ERC2: variants seen among roughly 807,000 people sequenced by gnomAD.
ERC2 encodes the protein ERC protein 2.
Under a neutral mutation model 114.8 loss-of-function variants are expected in ERC2, and 42 were observed. That is an observed-to-expected ratio of 0.37 (90% confidence interval 0.29 to 0.47). ERC2 has a LOEUF of 0.47. Ranked by LOEUF, ERC2 falls within the 20% of genes least tolerant of loss-of-function variation. ERC2 has a pLI of 0.99. For missense variants in ERC2, 939 were observed against 1,150.7 expected, an observed-to-expected ratio of 0.82 and a Z score of 2.66; for synonymous variants, 454 against 425.5, an observed-to-expected ratio of 1.07 and a Z score of -0.82.
At chr3:56,440,472 C>T (rs1411831926) in intron 1 of ERC2, among the ~76,000 whole-genome samples, 3 of 151,218 alleles carry the variant, frequency 2.0e-5, no homozygotes, top group African/African-American at 4.9e-5. Context: ...GGCATGGACC[C>T]AGGAGGCGGA....
rs1211091095 is a variant in ERC2, at chr3:56,354,620, T to C, written c.658-58185A>G. ...GCTCTACTTCTCTCATACATATTTG[T>C]CCTAACTCTCCAAGATAAACCTCTA... On this transcript the variant is annotated intron_variant, in intron 2 of 17. Coordinates refer to ENST00000288221, the MANE Select transcript of ERC2 (RefSeq NM_015576.3). Among the ~76,000 whole-genome samples, 2 of 152,178 alleles carry C rather than the reference T, an allele frequency of 1.3e-5. 1 individual carries two copies. The highest frequency in any genetic ancestry group is 1.3e-4 in the Admixed American group (2 of 15,274).
chr3:55,542,605 G>C (rs2054471105), intron 17 of ERC2, among the ~76,000 whole-genome samples: 1 of 152,114 alleles, frequency 6.6e-6, no homozygotes, highest in South Asian at 2.1e-4. Flanking sequence ...TGAAATATCT[G>C]AGAACAGAAA....
chr3:55,832,148 T>G (rs1332826695), intron 14 of ERC2, among the ~76,000 whole-genome samples: 1 of 152,242 alleles, frequency 6.6e-6, no homozygotes, highest in Admixed American at 6.5e-5. Context: ...GAGGCCTGCC[T>G]GCCTCTATAG....
At chr3:56,228,283 C>T (rs1467705134) in intron 3 of ERC2, among the ~76,000 whole-genome samples, 2 of 152,174 alleles carry the variant, frequency 1.3e-5, no homozygotes, top group African/African-American at 2.4e-5. Context: ...CTTTGTTGTG[C>T]AACCGTCACC....
At chr3:56,071,517 T>G (rs575143167) in intron 7 of ERC2, among the ~76,000 whole-genome samples, 2 of 152,308 alleles carry the variant, frequency 1.3e-5, no homozygotes, top group South Asian at 2.1e-4. Context: ...CAAAGTTACA[T>G]GTCTTTTAAA....
chr3:56,090,043 A>G (rs1037067150), intron 6 of ERC2, among the ~76,000 whole-genome samples: 1 of 152,178 alleles, frequency 6.6e-6, no homozygotes, highest in Non-Finnish European at 1.5e-5. Flanking sequence ...TTGACGAATA[A>G]TCATCAATGA....
chr3:55,642,293 C>T (rs1487123771), intron 17 of ERC2, among the ~76,000 whole-genome samples: 2 of 151,858 alleles, frequency 1.3e-5, no homozygotes, highest in Non-Finnish European at 2.9e-5. Flanking sequence ...TTCTCTCTGG[C>T]TCCTACGCTT....
At chr3:56,047,188 T>C (rs939907267) in intron 7 of ERC2, among the ~76,000 whole-genome samples, 7 of 152,242 alleles carry the variant, frequency 4.6e-5, no homozygotes, top group Non-Finnish European at 1.0e-4. Flanking sequence ...TTTGTTCTTT[T>C]ATTGTCCAAG....
chr3:55,895,034 T>C (rs2063779161), intron 13 of ERC2, among the ~76,000 whole-genome samples: 1 of 152,186 alleles, frequency 6.6e-6, no homozygotes, highest in Non-Finnish European at 1.5e-5. Context: ...GCCCATTCTT[T>C]AAGGCCCTGT....
chr3:55,546,390 G>T (rs1030178134), intron 17 of ERC2, among the ~76,000 whole-genome samples: 4 of 152,158 alleles, frequency 2.6e-5, no homozygotes, highest in Non-Finnish European at 4.4e-5. Flanking sequence ...CCTGTTCCAT[G>T]CTGCACCCCC....
At chr3:55,565,598 A>G (rs932309180) in intron 17 of ERC2, among the ~76,000 whole-genome samples, 1 of 152,138 alleles carries the variant, frequency 6.6e-6, no homozygotes, top group Admixed American at 6.5e-5. Flanking sequence ...CACTCAGAAA[A>G]AAAAAAAGTG....
chr3:55,567,647 GA>G (rs1441867701), intron 17 of ERC2, among the ~76,000 whole-genome samples: 2 of 152,104 alleles, frequency 1.3e-5, no homozygotes, highest in Non-Finnish European at 2.9e-5. Flanking sequence ...GGTGAGAGAG[GA>G]GGGAGAGGTG....
intron 17 of ERC2, among the ~76,000 whole-genome samples, chr3:55,611,285 G>C (rs2058897963): frequency 1.3e-5 from 2 of 152,206 alleles, no homozygotes; most frequent in Admixed American, 1.3e-4. Flanking sequence ...GGGAAGGAGG[G>C]CTTTGAGTTA....
intron 3 of ERC2, among the ~76,000 whole-genome samples, chr3:56,249,303 C>A (rs1485686967): frequency 6.6e-6 from 1 of 151,910 alleles, no homozygotes; most frequent in Non-Finnish European, 1.5e-5. Context: ...CCTTGCTGGG[C>A]CACTTACAAA....
At position 56,053,761 on chromosome 3, in the gene ERC2, G is replaced by A. The variant is rs575961980; in HGVS notation, c.1641+27056C>T. Among the ~76,000 whole-genome samples, 104 of 151,916 alleles carry A rather than the reference G, an allele frequency of 6.8e-4. 1 individual carries two copies. The highest frequency in any genetic ancestry group is 2.4e-3 in the African/African-American group (100 of 41,434). On this transcript the variant is annotated intron_variant, in intron 7 of 17. Coordinates refer to ENST00000288221, the MANE Select transcript of ERC2 (RefSeq NM_015576.3). ...ACTATGAAAATTATAAGTCCCCTTC[G>A]CAATGTAAGGTGGCATCATTAAGAA...
intron 14 of ERC2, among the ~76,000 whole-genome samples, chr3:55,851,607 ACTTGTTCCTCAC>A (rs2061575324): frequency 6.6e-6 from 1 of 152,142 alleles, no homozygotes; most frequent in Non-Finnish European, 1.5e-5. Context: ...GGTTTTAGAT[ACTTGTTCCTCAC>A]CTCTCTCATC....
At chr3:55,759,390 A>G (rs2067263420) in intron 14 of ERC2, among the ~76,000 whole-genome samples, 1 of 144,460 alleles carries the variant, frequency 6.9e-6, no homozygotes, top group South Asian at 2.3e-4. Flanking sequence ...TTGCACAGGA[A>G]GAAGTGTTCG....
chr3:56,051,864 CACACACACACACACAA>C (rs2075787253), intron 7 of ERC2, among the ~76,000 whole-genome samples: 1 of 148,488 alleles, frequency 6.7e-6, no homozygotes, highest in Non-Finnish European at 1.5e-5. Context: ...CACACACACA[CACACACACACACACAA>C]ATTTAACCTG....
intron 14 of ERC2, among the ~76,000 whole-genome samples, chr3:55,883,919 CA>C (rs758192218): frequency 0.014 from 2,098 of 151,940 alleles, 19 homozygotes; most frequent in Middle Eastern, 0.031. Flanking sequence ...ACAACAACAA[CA>C]ACAACAACAC....
Sources: gnomAD v4.1 joint callset for allele counts (sites outside exome capture counted in the v4.1 genomes callset) on GRCh38, gnomAD v4.1.1 for gene constraint, MANE v1.5 for transcripts, NCBI Gene and HGNC (gene_info 2026-07-23, HGNC 2026-07-21) for gene names.